The following GET4 variants were observed in gnomAD, a reference collection of about 807,000 sequenced individuals.
GET4 encodes the protein guided entry of tail-anchored proteins factor 4, also known as Golgi to ER traffic protein 4 homolog.
GET4 carries 20 observed loss-of-function variants against 40.0 expected under a neutral mutation model. That is an observed-to-expected ratio of 0.50 (90% CI 0.35 to 0.73). The LOEUF (loss-of-function observed/expected upper bound fraction) is 0.73. Among genes scored for constraint, GET4 ranks in the 30% least tolerant of loss-of-function variants. The pLI is 0.01. For missense variants in GET4, 557 were observed against 454.0 expected (o/e 1.23, Z -2.06); for synonymous variants, 280 against 194.6 (o/e 1.44, Z -3.65).
chr7:876,641 GC>G lies in GET4; in HGVS notation c.-2del. 1 of 1,260,358 alleles carries G rather than the reference GC, an allele frequency of 7.9e-7. No individual in the cohort carries two copies. The highest frequency in any genetic ancestry group is 1.0e-6 in the Non-Finnish European group (1 of 996,580). 78.1% of individuals were successfully genotyped at this position (1,260,358 alleles called of 1,614,324 possible). On this transcript the variant is annotated 5_prime_UTR_variant, in exon 1 of 9. Coordinates refer to ENST00000265857, the MANE Select transcript of GET4 (RefSeq NM_015949.3). The stretch of plus-strand genomic sequence containing the variant: ...AGCGTCAGCCCTGCGCGGAGCGCCG[GC>G]CCGATGGCGGCGGCGGCGGCGATGG...
At chr7:885,946 A>G in intron 1 of GET4, 110 bp from the exon 2 acceptor site, 1 of 736,820 alleles carries the variant, frequency 1.4e-6, no homozygotes, top group East Asian at 2.5e-5. Flanking sequence ...TGCTTTTAGG[A>G]TGCCACCTGT....
At position 894,435 on chromosome 7, in the gene GET4, C is replaced by A. The variant is rs117028370; in HGVS notation, c.895+464C>A. ...GGCCCCTCACTGAGCCGCCTGCCTTCCCAGCGTCACCTGTCTGGGTTTATT... is the reference window on the plus strand; with the variant it reads ...GGCCCCTCACTGAGCCGCCTGCCTTACCAGCGTCACCTGTCTGGGTTTATT... On this transcript the variant is annotated intron_variant, in intron 8 of 8. Coordinates refer to ENST00000265857, the MANE Select transcript of GET4 (RefSeq NM_015949.3). 1.3e-3 allele frequency among the ~76,000 whole-genome samples: 198 copies of A among 152,288 alleles called. 5 individuals carry two copies. The East Asian group carries it at 0.036, about 28-fold the overall frequency.
intron 1 of GET4, among the ~76,000 whole-genome samples, chr7:877,341 C>G (rs1438813999): frequency 7.0e-5 from 9 of 127,742 alleles, no homozygotes; most frequent in Non-Finnish European, 1.2e-4. Flanking sequence ...TGCCCCTCGT[C>G]TCTCTCTCGC....
intron 1 of GET4, among the ~76,000 whole-genome samples, chr7:878,680 G>C (rs1390485387): frequency 6.6e-6 from 1 of 150,982 alleles, no homozygotes; most frequent in East Asian, 2.0e-4. Flanking sequence ...CCGAGTTCAA[G>C]CTATATTCTC....
rs376457798 is a variant in GET4, at chr7:886,141, C to T, written c.234+7C>T. Reference sequence around the variant, plus strand: ...CTTCTTCAGCCATGGCCAGGTAAGCCGTCTTGCTTCCTCCTGCATCCCTTT... The same window carrying T: ...CTTCTTCAGCCATGGCCAGGTAAGCTGTCTTGCTTCCTCCTGCATCCCTTT... On this transcript the variant is annotated splice_region_variant and intron_variant, in intron 2 of 8. Coordinates refer to ENST00000265857, the MANE Select transcript of GET4 (RefSeq NM_015949.3). The T allele has an allele frequency of 2.6e-5, 41 of 1,577,406 alleles. No homozygotes were observed. The East Asian group carries it at 6.7e-4, about 26-fold the overall frequency.
Position 891,021 on chromosome 7 carries a change from G to A in GET4, c.560G>A (p.Gly187Asp). 1 of 1,611,256 alleles carries A rather than the reference G, an allele frequency of 6.2e-7. No homozygotes were observed. The highest frequency in any genetic ancestry group is 8.5e-7 in the Non-Finnish European group (1 of 1,177,844). ...NMLVEYSTSR[G>D]FRSEVDMFVA... ...CTGGTGGAGTATTCCACGTCCCGCGGCTTCCGCAGCGAGGTGGACATGTTC... is the reference window on the plus strand; with the variant it reads ...CTGGTGGAGTATTCCACGTCCCGCGACTTCCGCAGCGAGGTGGACATGTTC... Residue 187 changes from glycine to aspartate, a missense_variant, in exon 5 of 9, where the codon GGC becomes GAC. Coordinates refer to ENST00000265857, the MANE Select transcript of GET4 (RefSeq NM_015949.3).
At position 895,449 on chromosome 7, in the gene GET4, C is replaced by T. The variant is rs185747599; in HGVS notation, c.*27C>T. On this transcript the variant is annotated 3_prime_UTR_variant, in exon 9 of 9. Coordinates refer to ENST00000265857, the MANE Select transcript of GET4 (RefSeq NM_015949.3). ...CTGGCCAGGCCACGTGGAGACACCA[C>T]GGTCGACGACGGCTGGAGGGACGTT... 209 of 1,193,646 alleles carry T rather than the reference C, an allele frequency of 1.8e-4. No individual in the cohort carries two copies. The highest frequency in any genetic ancestry group is 1.1e-3 in the African/African-American group (72 of 66,384). 73.9% of individuals were successfully genotyped at this position (1,193,646 alleles called of 1,614,324 possible). A position where few individuals can be genotyped will look rare whatever the true frequency, so the allele number is the denominator to read the frequency against.
chr7:883,643 T>C lies in GET4; in HGVS notation c.156-2413T>C, dbSNP rs77868633. On this transcript the variant is annotated intron_variant, in intron 1 of 8. Coordinates refer to ENST00000265857, the MANE Select transcript of GET4 (RefSeq NM_015949.3). ...TGGAAGGCACGTCTGGGTGTCCACATGGCACGGCCAATAGTGCGCAGCATG... is the reference window on the plus strand; with the variant it reads ...TGGAAGGCACGTCTGGGTGTCCACACGGCACGGCCAATAGTGCGCAGCATG... 0.01 allele frequency: 10,345 copies of C among 985,422 alleles called. 352 individuals carry two copies. The East Asian group carries it at 0.25, about 24-fold the overall frequency. The allele number at this position is 985,422 out of a possible 1,614,324, so 61.0% of individuals were successfully genotyped here. A position where few individuals can be genotyped will look rare whatever the true frequency, so the allele number is the denominator to read the frequency against.
In GET4 at chr7:896,396, TGTGTGAACC is replaced by T. The variant is rs1301742591; in HGVS notation, c.*977_*985del. 1 of 152,168 alleles carries T rather than the reference TGTGTGAACC, an allele frequency of 6.6e-6. No individual in the cohort carries two copies. The highest frequency in any genetic ancestry group is 1.5e-5 in the Non-Finnish European group (1 of 68,042). The allele number at this position is 152,168 out of a possible 1,614,324, so 9.4% of individuals were successfully genotyped here. On this transcript the variant is annotated 3_prime_UTR_variant, in exon 9 of 9. Transcript: ENST00000265857. ...TGTAAAGTGGAATTTCAGGAAGGCT[TGTGTGAACC>T]GTTGCGCATAAATAAACCCTTTCTA...
rs1213490912 is a variant in GET4 at position 876,636 on chromosome 7, C to T, written c.-10C>T. 2 of 1,248,678 alleles carry T rather than the reference C, an allele frequency of 1.6e-6. No individual in the cohort carries two copies. The highest frequency in any genetic ancestry group is 2.5e-5 in the South Asian group (1 of 40,780). 77.3% of individuals were successfully genotyped at this position (1,248,678 alleles called of 1,614,324 possible). A position where few individuals can be genotyped will look rare whatever the true frequency, so the allele number is the denominator to read the frequency against. On this transcript the variant is annotated 5_prime_UTR_variant, in exon 1 of 9. Transcript: ENST00000265857. ...GCGACAGCGTCAGCCCTGCGCGGAG[C>T]GCCGGCCCGATGGCGGCGGCGGCGG...
At chr7:891,624 C>T (rs934811564) in intron 5 of GET4, among the ~76,000 whole-genome samples, 2 of 152,266 alleles carry the variant, frequency 1.3e-5, no homozygotes, top group African/African-American at 2.4e-5. Flanking sequence ...TCACGAAAGC[C>T]TTACTTGTGC....
At chr7:878,983 C>T (rs1233382310) in intron 1 of GET4, among the ~76,000 whole-genome samples, 1 of 152,142 alleles carries the variant, frequency 6.6e-6, no homozygotes, top group Non-Finnish European at 1.5e-5. Flanking sequence ...GACACCCCCC[C>T]CCGAGTAGAG....
rs774764480 is a variant in GET4 at position 890,935 on chromosome 7, C to G, written c.474C>G (p.Asn158Lys). 47 of 1,604,188 alleles carry G rather than the reference C, an allele frequency of 2.9e-5. No individual in the cohort carries two copies. The highest frequency in any genetic ancestry group is 3.9e-5 in the Non-Finnish European group (46 of 1,171,328). ...LLALTLWKEQ[N>K]YCESRYHFLH... is the part of the protein sequence containing the mutation. ...TCTGTCTTTCCTTTGCAGAACAAAA[C>G]TATTGTGAGTCGAGGTATCATTTTC... Residue 158 changes from asparagine to lysine, a missense_variant, in exon 5 of 9, where the codon AAC (asparagine) becomes AAG (lysine). Asn to Lys is a moderately conservative substitution (Grantham distance 94). Coordinates refer to ENST00000265857, the MANE Select transcript of GET4 (RefSeq NM_015949.3).
At chr7:878,391 T>C in intron 1 of GET4, 1 of 470,938 alleles carries the variant, frequency 2.1e-6, no homozygotes, top group Non-Finnish European at 4.4e-6. Flanking sequence ...CAGGGAACAG[T>C]CTGGCCAGTC....
At chr7:893,848 A>G in intron 7 of GET4, 33 bp downstream of exon 7, 33 of 1,605,888 alleles carry the variant, frequency 2.1e-5, no homozygotes, top group Non-Finnish European at 2.8e-5. Context: ...GGAGGAGGGG[A>G]CCCCACGGTC....
intron 4 of GET4, among the ~76,000 whole-genome samples, chr7:888,728 G>A (rs1844246507): frequency 1.3e-5 from 2 of 152,342 alleles, no homozygotes; most frequent in Non-Finnish European, 2.9e-5. Context: ...GGCCTCTGGC[G>A]ACAGCAGGCC....
In GET4 at chr7:886,143, T is replaced by G. The variant is rs1844183195; in HGVS notation, c.234+9T>G. 6.4e-7 allele frequency: 1 copy of G among 1,566,924 alleles called. No individual in the cohort carries two copies. Among genetic ancestry groups the G allele is most frequent in the Admixed American group, 1.7e-5 (1 of 59,954 alleles). On this transcript the variant is annotated intron_variant, in intron 2 of 8. Transcript: ENST00000265857. ...TCTTCAGCCATGGCCAGGTAAGCCGTCTTGCTTCCTCCTGCATCCCTTTCT... is the reference window on the plus strand; with the variant it reads ...TCTTCAGCCATGGCCAGGTAAGCCGGCTTGCTTCCTCCTGCATCCCTTTCT...
intron 6 of GET4, among the ~76,000 whole-genome samples, 195 bp from the exon 7 acceptor site, chr7:893,542 TGTG>T (rs1432752109): frequency 1.5e-5 from 2 of 133,504 alleles, no homozygotes; most frequent in Admixed American, 7.7e-5. Context: ...GGCGTGGTGG[TGTG>T]TGCAGGTGAG....
chr7:894,845 A>G (rs1222855395), intron 8 of GET4, among the ~76,000 whole-genome samples: 1 of 152,190 alleles, frequency 6.6e-6, no homozygotes, highest in Non-Finnish European at 1.5e-5. Context: ...TGTTGATTGG[A>G]TAAAAATCAG....
Sources: gnomAD v4.1 joint callset for allele counts (sites outside exome capture counted in the v4.1 genomes callset) on GRCh38, gnomAD v4.1.1 for gene constraint, MANE v1.5 for transcripts, NCBI Gene and HGNC (gene_info 2026-07-23, HGNC 2026-07-21) for gene names.